NIBAN1: variants seen among roughly 807,000 people sequenced by gnomAD.
The protein encoded by NIBAN1 is protein Niban 1.
A neutral mutation model predicts 75.1 loss-of-function variants in NIBAN1; 81 were observed. That is an observed-to-expected ratio of 1.08 (90% confidence interval 0.90 to 1.30). NIBAN1 has a LOEUF of 1.30. Ranked by LOEUF, NIBAN1 falls within the 50% of genes most tolerant of loss-of-function variation. The pLI is 0.00. For synonymous variants in NIBAN1, 436 were observed against 424.8 expected, an observed-to-expected ratio of 1.03 and a Z score of -0.32; for missense variants, 1,133 against 1,128.1, an observed-to-expected ratio of 1.00 and a Z score of -0.06.
At chr1:184,947,821 T>C (rs1171936119) in intron 1 of NIBAN1, among the ~76,000 whole-genome samples, 1 of 152,206 alleles carries the variant, frequency 6.6e-6, no homozygotes, top group East Asian at 1.9e-4. Flanking sequence ...CAAATATGAA[T>C]TGACTGGCTT....
intron 1 of NIBAN1, among the ~76,000 whole-genome samples, chr1:184,924,449 T>G (rs1311544093): frequency 6.6e-6 from 1 of 152,240 alleles, no homozygotes; most frequent in African/African-American, 2.4e-5. Flanking sequence ...AATTTACTAG[T>G]ATTTTGTTGA....
chr1:184,935,643 G>C (rs527257833), intron 1 of NIBAN1, among the ~76,000 whole-genome samples: 2 of 152,036 alleles, frequency 1.3e-5, no homozygotes, highest in East Asian at 1.9e-4. Context: ...AAATAAAAGG[G>C]GGATGAAAAT....
At chr1:184,888,843 A>G (rs1656597880) in intron 4 of NIBAN1, among the ~76,000 whole-genome samples, 1 of 152,252 alleles carries the variant, frequency 6.6e-6, no homozygotes, top group African/African-American at 2.4e-5. Flanking sequence ...TAGATGTAAA[A>G]GAAAATATAA....
intron 5 of NIBAN1, among the ~76,000 whole-genome samples, chr1:184,869,027 A>G (rs948868341): frequency 4.6e-5 from 7 of 152,174 alleles, no homozygotes; most frequent in African/African-American, 1.4e-4. Context: ...TAGTATCAGC[A>G]TCAGCATTAC....
rs896406182 is a variant in NIBAN1, at chr1:184,899,285, T to C, written c.80A>G (p.Asn27Ser). Residue 27 changes from asparagine (N) to serine (S), a missense_variant, in exon 2 of 14, where the codon AAC (asparagine) becomes AGC (serine). Asn to Ser is a conservative substitution (Grantham distance 46, BLOSUM62 1). Coordinates refer to ENST00000367511, the MANE Select transcript of NIBAN1 (RefSeq NM_052966.4). ...CTGACGACTGTAGTAGGGACTGAAG[T>C]TTTTGATGGCAGCCTCAGTTTTCCC... ...IRGKTEAAIK[N>S]FSPYYSRQYS... 6.2e-7 allele frequency: 1 copy of C among 1,613,674 alleles called. No individual in the cohort carries two copies. The highest frequency in any genetic ancestry group is 1.7e-5 in the Admixed American group (1 of 59,988).
chr1:184,895,537 C>G (rs1262541458), intron 2 of NIBAN1, among the ~76,000 whole-genome samples: 1 of 152,178 alleles, frequency 6.6e-6, no homozygotes, highest in East Asian at 1.9e-4. Flanking sequence ...CACTTATTCT[C>G]TCTTGAAACC....
intron 5 of NIBAN1, among the ~76,000 whole-genome samples, chr1:184,875,328 A>G (rs1298129348): frequency 1.3e-5 from 2 of 152,214 alleles, no homozygotes; most frequent in African/African-American, 4.8e-5. Flanking sequence ...GAATTCAAAA[A>G]TAGCTTGGCT....
intron 5 of NIBAN1, among the ~76,000 whole-genome samples, chr1:184,858,588 C>G (rs1280999926): frequency 2.6e-5 from 4 of 152,140 alleles, no homozygotes; most frequent in Non-Finnish European, 4.4e-5. Flanking sequence ...AAAGGGCACT[C>G]TCATACACTG....
intron 9 of NIBAN1, among the ~76,000 whole-genome samples, chr1:184,812,430 C>T (rs1405269049): frequency 3.9e-5 from 6 of 152,188 alleles, no homozygotes; most frequent in Non-Finnish European, 8.8e-5. Context: ...GTCACTAGAG[C>T]CACTCAGGGA....
intron 12 of NIBAN1, among the ~76,000 whole-genome samples, chr1:184,800,128 T>A (rs1186037844): frequency 1.2e-3 from 175 of 141,692 alleles, no homozygotes; most frequent in African/African-American, 4.1e-3. Context: ...ATGGTGAGCA[T>A]TTTTTCATGT....
intron 1 of NIBAN1, among the ~76,000 whole-genome samples, chr1:184,958,272 G>C (rs1484002662): frequency 6.6e-6 from 1 of 151,976 alleles, no homozygotes; most frequent in Non-Finnish European, 1.5e-5. Context: ...CTACTCAGGA[G>C]GCTGAGGCAT....
At chr1:184,815,691 T>C (rs373714699) in intron 9 of NIBAN1, among the ~76,000 whole-genome samples, 1 of 152,246 alleles carries the variant, frequency 6.6e-6, no homozygotes, top group Admixed American at 6.5e-5. Flanking sequence ...AATAGCCTTA[T>C]ACTTTAATAG....
At chr1:184,826,313 T>C (rs1429728144) in intron 6 of NIBAN1, among the ~76,000 whole-genome samples, 1 of 152,224 alleles carries the variant, frequency 6.6e-6, no homozygotes, top group Admixed American at 6.5e-5. Flanking sequence ...AGTCAAGAGA[T>C]GAATCACCAT....
In NIBAN1 at chr1:184,884,748, G is replaced by C. The variant is rs1161563237; in HGVS notation, c.486C>G (p.Phe162Leu). Reference sequence around the variant, plus strand: ...AGAAGGGCTGCCACAGGTACACTGGGAATTCCTTGGGCAGGACCACAAAGG... The same window carrying C: ...AGAAGGGCTGCCACAGGTACACTGGCAATTCCTTGGGCAGGACCACAAAGG... Reference protein sequence around the residue: ...TQPFVVLPKEFPVYLWQPFFR... With the variant: ...TQPFVVLPKELPVYLWQPFFR... Residue 162 changes from phenylalanine (F) to leucine (L), a missense_variant, in exon 5 of 14, where the codon TTC (phenylalanine) becomes TTG (leucine). Physicochemically the swap from Phe to Leu is conservative, Grantham distance 22. Transcript: ENST00000367511. 1 of 1,614,212 alleles carries C rather than the reference G, an allele frequency of 6.2e-7. No individual in the cohort carries two copies. The highest frequency in any genetic ancestry group is 1.7e-5 in the Admixed American group (1 of 60,030).
At chr1:184,839,901 C>T (rs1375704717) in intron 5 of NIBAN1, among the ~76,000 whole-genome samples, 3 of 151,990 alleles carry the variant, frequency 2.0e-5, no homozygotes, top group Non-Finnish European at 2.9e-5. Flanking sequence ...CTGGCCTGTT[C>T]CATTTAATTT....
Position 184,883,717 on chromosome 1 carries a change from C to A in NIBAN1, c.601+916G>T, listed in dbSNP as rs549977976. Among the ~76,000 whole-genome samples, 4 of 152,226 alleles carry A rather than the reference C, an allele frequency of 2.6e-5. No individual in the cohort carries two copies. In the South Asian group the frequency reaches 8.3e-4, roughly 32 times the overall value. On this transcript the variant is annotated intron_variant, in intron 5 of 13. Transcript: ENST00000367511. ...TGTGCTAGAAAAGCCAAGTCCAGGC[C>A]CCACGGTGTACCCAGTGAGTCAGAA...
intron 5 of NIBAN1, among the ~76,000 whole-genome samples, chr1:184,871,366 A>C (rs888713019): frequency 4.0e-5 from 6 of 148,712 alleles, no homozygotes; most frequent in African/African-American, 1.2e-4. Context: ...AAAAAAAAAA[A>C]AAAAAAAGAG....
At chr1:184,866,164 G>T (rs949538684) in intron 5 of NIBAN1, among the ~76,000 whole-genome samples, 10 of 152,140 alleles carry the variant, frequency 6.6e-5, no homozygotes, top group Non-Finnish European at 1.0e-4. Context: ...AGTTTTAGGA[G>T]TCAGATAAAT....
chr1:184,821,823 A>G (rs1313262506), intron 8 of NIBAN1, among the ~76,000 whole-genome samples: 2 of 152,244 alleles, frequency 1.3e-5, no homozygotes, highest in Non-Finnish European at 2.9e-5. Context: ...TCTGAGGTTA[A>G]TGTAGAGCTG....
Sources: gnomAD v4.1 joint callset for allele counts (sites outside exome capture counted in the v4.1 genomes callset) on GRCh38, gnomAD v4.1.1 for gene constraint, MANE v1.5 for transcripts, NCBI Gene and HGNC (gene_info 2026-07-23, HGNC 2026-07-21) for gene names.